Variants in SYT6 observed in about 807,000 individuals in gnomAD.
SYT6 encodes synaptotagmin-6.
SYT6 carries 24 observed loss-of-function variants against 38.4 expected under a neutral mutation model. The ratio of observed to expected loss-of-function variants is 0.62; its 90% CI spans 0.45 to 0.88. SYT6 has a LOEUF of 0.88. Among genes scored for constraint, SYT6 ranks in the 40% least tolerant of loss-of-function variants. The pLI, the probability that SYT6 is intolerant of heterozygous loss-of-function variation, is 0.00. For missense variants in SYT6, 611 were observed against 621.0 expected (o/e 0.98, Z 0.17); for synonymous variants, 265 against 241.9 (o/e 1.10, Z -0.89).
At chr1:114,114,706 C>T (rs1385808275) in intron 3 of SYT6, among the ~76,000 whole-genome samples, 1 of 152,216 alleles carries the variant, frequency 6.6e-6, no homozygotes, top group Non-Finnish European at 1.5e-5. Context: ...TACATAGCCT[C>T]AGTTCGTGAT....
intron 5 of SYT6, among the ~76,000 whole-genome samples, chr1:114,098,101 T>C (rs1361531358): frequency 6.6e-6 from 1 of 152,174 alleles, no homozygotes; most frequent in Non-Finnish European, 1.5e-5. Context: ...GGTTATAAAC[T>C]TGTTTGGAAT....
chr1:114,124,297 A>T, intron 3 of SYT6, among the ~76,000 whole-genome samples: 1 of 152,236 alleles, frequency 6.6e-6, no homozygotes, highest in East Asian at 1.9e-4. Context: ...AATGATGGCC[A>T]GTTATTCAGT....
At chr1:114,108,620 A>G (rs1435556355) in intron 3 of SYT6, among the ~76,000 whole-genome samples, 1 of 152,208 alleles carries the variant, frequency 6.6e-6, no homozygotes, top group Non-Finnish European at 1.5e-5. Context: ...GAGACGACCC[A>G]AGGATGCTTA....
At chr1:114,150,685 A>G (rs553078552) in intron 1 of SYT6, among the ~76,000 whole-genome samples, 4 of 152,310 alleles carry the variant, frequency 2.6e-5, no homozygotes, top group South Asian at 4.1e-4. Context: ...ATTCATTTCT[A>G]CAAGGCAAAT....
chr1:114,128,351 T>C (rs1677868039), intron 3 of SYT6, among the ~76,000 whole-genome samples: 1 of 152,244 alleles, frequency 6.6e-6, no homozygotes, highest in South Asian at 2.1e-4. Context: ...AAGGGTAGTC[T>C]TGGCCTGAAT....
chr1:114,151,610 G>C (rs140575281), intron 1 of SYT6, among the ~76,000 whole-genome samples: 76 of 152,282 alleles, frequency 5.0e-4, no homozygotes, highest in African/African-American at 1.5e-3. Flanking sequence ...AGGAGAGTCA[G>C]CTTCCATCCC....
intron 2 of SYT6, among the ~76,000 whole-genome samples, chr1:114,138,885 T>C (rs1201999846): frequency 1.3e-5 from 2 of 152,226 alleles, no homozygotes; most frequent in Non-Finnish European, 2.9e-5. Context: ...CCCAGCATGT[T>C]CATTCCTGGC....
At chr1:114,129,126 G>A (rs74112946) in intron 3 of SYT6, among the ~76,000 whole-genome samples, 1,757 of 152,198 alleles carry the variant, frequency 0.012, 24 homozygotes, top group African/African-American at 0.041. Flanking sequence ...CAAGTTGCTC[G>A]GACTGAAAAT....
intron 3 of SYT6, among the ~76,000 whole-genome samples, chr1:114,112,801 C>T (rs1055321041): frequency 6.6e-6 from 1 of 152,220 alleles, no homozygotes; most frequent in Non-Finnish European, 1.5e-5. Flanking sequence ...TTTCTTGTCA[C>T]AAGTTGTCTT....
Position 114,089,504 on chromosome 1 carries a change from A to T in SYT6, c.*2630T>A, listed in dbSNP as rs1368347222. 1 of 152,434 alleles carries T rather than the reference A, an allele frequency of 6.6e-6. No individual in the cohort carries two copies. Among genetic ancestry groups the T allele is most frequent in the Non-Finnish European group, 1.5e-5 (1 of 68,040 alleles). 9.4% of individuals were successfully genotyped at this position (152,434 alleles called of 1,614,324 possible). On this transcript the variant is annotated 3_prime_UTR_variant, in exon 8 of 8. Transcript: ENST00000610222. ...CTTTTCATGTTTTTTAAAAAAACCT[A>T]TGTGCAAATGGCCCTGGTTATCACA...
intron 3 of SYT6, among the ~76,000 whole-genome samples, chr1:114,106,582 C>T (rs886076479): frequency 6.6e-5 from 10 of 152,170 alleles, no homozygotes; most frequent in African/African-American, 2.2e-4. Flanking sequence ...TACCTCCTCA[C>T]CTGCTGCTCT....
At chr1:114,127,143 C>A (rs534713818) in intron 3 of SYT6, among the ~76,000 whole-genome samples, 1 of 152,306 alleles carries the variant, frequency 6.6e-6, no homozygotes, top group East Asian at 1.9e-4. Context: ...CATGGGAAAC[C>A]TTTAGCCCCC....
At chr1:114,103,774 C>G in intron 3 of SYT6, 53 bp from the exon 4 acceptor site, 1 of 1,587,594 alleles carries the variant, frequency 6.3e-7, no homozygotes, top group African/African-American at 1.3e-5. Context: ...CCATGGGCCT[C>G]ATGTCCAGTG....
chr1:114,110,281 C>G (rs1294561974), intron 3 of SYT6, among the ~76,000 whole-genome samples: 2 of 152,184 alleles, frequency 1.3e-5, no homozygotes, highest in Non-Finnish European at 2.9e-5. Flanking sequence ...AATGATAAGA[C>G]AAAGTCCCAG....
At chr1:114,150,735 T>G (rs961907814) in intron 1 of SYT6, among the ~76,000 whole-genome samples, 14 of 152,204 alleles carry the variant, frequency 9.2e-5, no homozygotes, top group African/African-American at 3.4e-4. Context: ...TAGTGTTCAC[T>G]TGGGGTGTAT....
chr1:114,101,477 C>T (rs574788413), intron 4 of SYT6, among the ~76,000 whole-genome samples: 1 of 152,264 alleles, frequency 6.6e-6, no homozygotes, highest in South Asian at 2.1e-4. Context: ...TGCTCACCAC[C>T]CCTTTGTAGC....
intron 1 of SYT6, among the ~76,000 whole-genome samples, chr1:114,141,658 A>G (rs1265480325): frequency 6.6e-6 from 1 of 152,250 alleles, no homozygotes; most frequent in Non-Finnish European, 1.5e-5. Context: ...TAGAAGAAAT[A>G]GCCTTATATT....
intron 3 of SYT6, among the ~76,000 whole-genome samples, chr1:114,125,230 A>G (rs1358411019): frequency 6.6e-6 from 1 of 152,194 alleles, no homozygotes; most frequent in Non-Finnish European, 1.5e-5. Flanking sequence ...AGGACTCTAA[A>G]ATGACAGTCT....
intron 1 of SYT6, among the ~76,000 whole-genome samples, chr1:114,146,129 G>A (rs1679144525): frequency 6.6e-6 from 1 of 152,156 alleles, no homozygotes; most frequent in African/African-American, 2.4e-5. Context: ...CATCTCACTG[G>A]CAGGCAGTGC....
Sources: gnomAD v4.1 joint callset for allele counts (sites outside exome capture counted in the v4.1 genomes callset) on GRCh38, gnomAD v4.1.1 for gene constraint, MANE v1.5 for transcripts, NCBI Gene and HGNC (gene_info 2026-07-23, HGNC 2026-07-21) for gene names.